The following UGT1A10 variants were observed in gnomAD, a reference collection of about 807,000 sequenced individuals.
UGT1A10 encodes the protein UDP-glucuronosyltransferase 1A10.
A neutral mutation model predicts 45.8 loss-of-function variants in UGT1A10; 49 were observed. The observed-to-expected ratio is 1.07, with a 90% confidence interval of 0.85 to 1.36. UGT1A10 has a LOEUF of 1.36. UGT1A10 is among the 40% of genes most tolerant of loss of function. UGT1A10 has a pLI of 0.00. For synonymous variants in UGT1A10, 284 were observed against 249.7 expected, an observed-to-expected ratio of 1.14 and a Z score of -1.29; for missense variants, 745 against 668.6, an observed-to-expected ratio of 1.11 and a Z score of -1.26.
At chr2:233,693,369 A>G (rs2075149103) in intron 1 of UGT1A10, 2 of 1,614,190 alleles carry the variant, frequency 1.2e-6, no homozygotes, top group Non-Finnish European at 1.7e-6. Context: ...ATTGGCCTGT[A>G]CTTCATCAAC....
At chr2:233,747,308 T>C in intron 1 of UGT1A10, 5 of 1,602,886 alleles carry the variant, frequency 3.1e-6, no homozygotes, top group Non-Finnish European at 4.3e-6. Context: ...GGGAAGGTGC[T>C]GGTGGTACCC....
chr2:233,717,663 C>T (rs953921301), intron 1 of UGT1A10: 3 of 412,194 alleles, frequency 7.3e-6, no homozygotes, highest in Non-Finnish European at 1.5e-5. Context: ...GAAGCATCAG[C>T]AATCTTGCGA....
chr2:233,740,013 C>A (rs28899769), intron 1 of UGT1A10, among the ~76,000 whole-genome samples: 1 of 151,838 alleles, frequency 6.6e-6, no homozygotes, highest in African/African-American at 2.4e-5. Context: ...AGTGAGTTCT[C>A]ATGAGAGCTG....
chr2:233,740,862 C>G (rs1413429391), intron 1 of UGT1A10: 1 of 151,810 alleles, frequency 6.6e-6, no homozygotes, highest in African/African-American at 2.4e-5. Flanking sequence ...TCTAAAAATT[C>G]TTTAAATAAA....
intron 1 of UGT1A10, among the ~76,000 whole-genome samples, chr2:233,644,619 C>A (rs945381015): frequency 6.6e-6 from 1 of 152,104 alleles, no homozygotes; most frequent in Non-Finnish European, 1.5e-5. Context: ...GGGTGGGTGT[C>A]AGCTGAGTTT....
At chr2:233,692,704 C>A in intron 1 of UGT1A10, 3 of 432,616 alleles carry the variant, frequency 6.9e-6, no homozygotes, top group Non-Finnish European at 9.2e-6. Context: ...CTCTCCAAGT[C>A]ATCTTCAAAG....
At chr2:233,693,101 C>A (rs1056441481) in intron 1 of UGT1A10, 1 of 1,614,084 alleles carries the variant, frequency 6.2e-7, no homozygotes, top group Non-Finnish European at 8.5e-7. Context: ...GCTGGTGGTC[C>A]CTCAGGACGG....
rs1559320904 is a variant in UGT1A10, at chr2:233,641,320, A to G, written c.855+3943A>G. Among the ~76,000 whole-genome samples, 4 of 152,304 alleles carry G rather than the reference A, an allele frequency of 2.6e-5. No homozygotes were observed. In the South Asian group the frequency reaches 8.3e-4, roughly 32 times the overall value. On this transcript the variant is annotated intron_variant, in intron 1 of 4. Transcript: ENST00000344644. ...AAGGCTTGCAAATACTATCTTATAA[A>G]CCTTATTTTAACCTGATAACAACTT...
At chr2:233,666,027 G>A (rs1292077043) in intron 1 of UGT1A10, among the ~76,000 whole-genome samples, 9 of 152,180 alleles carry the variant, frequency 5.9e-5, no homozygotes, top group Admixed American at 2.0e-4. Context: ...TTGGCTGGTG[G>A]TTCATTCAGG....
At chr2:233,729,533 C>T (rs746765589) in intron 1 of UGT1A10, 8 of 1,614,138 alleles carry the variant, frequency 5.0e-6, no homozygotes, top group South Asian at 3.3e-5. Context: ...CATAATGAGG[C>T]CCTGATCAGG....
rs45497792 is a variant in UGT1A10, at chr2:233,681,467, G to A, written c.855+44090G>A. 3.0e-3 allele frequency among the ~76,000 whole-genome samples: 440 copies of A among 144,686 alleles called. 4 individuals are homozygous for A. Among genetic ancestry groups the A allele is most frequent in the African/African-American group, 0.011 (418 of 38,962 alleles). 94.9% of individuals were successfully genotyped at this position (144,686 alleles called of 152,430 possible). On this transcript the variant is annotated intron_variant, in intron 1 of 4. Transcript: ENST00000344644. ...AATCGTTTGAACCCAGGAAGTGGAGGTTGCAGTGAGCCTAGATCTTACCAC... is the reference window on the plus strand; with the variant it reads ...AATCGTTTGAACCCAGGAAGTGGAGATTGCAGTGAGCCTAGATCTTACCAC...
intron 1 of UGT1A10, among the ~76,000 whole-genome samples, chr2:233,657,250 C>T (rs770263464): frequency 6.6e-5 from 10 of 152,120 alleles, no homozygotes; most frequent in Non-Finnish European, 1.0e-4. Flanking sequence ...AAGCACCTGG[C>T]GGTTTAGTTT....
intron 1 of UGT1A10, among the ~76,000 whole-genome samples, chr2:233,711,721 C>T (rs1314393643): frequency 6.6e-6 from 1 of 152,208 alleles, no homozygotes; most frequent in East Asian, 1.9e-4. Context: ...GCCTCAGCTT[C>T]ACCAGCAATG....
intron 1 of UGT1A10, chr2:233,691,347 G>A: frequency 1.0e-6 from 1 of 985,522 alleles, no homozygotes; most frequent in Non-Finnish European, 1.2e-6. Flanking sequence ...GTCTTCGCAT[G>A]CCTTGAACAA....
rs45512497 is a variant in UGT1A10, at chr2:233,640,015, C to T, written c.855+2638C>T. Among the ~76,000 whole-genome samples, 386 of 152,248 alleles carry T rather than the reference C, an allele frequency of 2.5e-3. 1 individual carries two copies. Among genetic ancestry groups the T allele is most frequent in the African/African-American group, 8.6e-3 (358 of 41,538 alleles). ...GAATTCAGGCTTCATCTATACCATC[C>T]ATGGTAGGTGCAGCTCTGCAGACCT... On this transcript the variant is annotated intron_variant, in intron 1 of 4. Coordinates refer to ENST00000344644, the MANE Select transcript of UGT1A10 (RefSeq NM_019075.4).
At chr2:233,651,166 C>G (rs2073730068) in intron 1 of UGT1A10, among the ~76,000 whole-genome samples, 1 of 152,192 alleles carries the variant, frequency 6.6e-6, no homozygotes, top group African/African-American at 2.4e-5. Flanking sequence ...AAGTGCTTCT[C>G]TCCCCTTTAC....
At chr2:233,720,769 G>A (rs1374980919) in intron 1 of UGT1A10, among the ~76,000 whole-genome samples, 1 of 151,034 alleles carries the variant, frequency 6.6e-6, no homozygotes, top group Non-Finnish European at 1.5e-5. Flanking sequence ...GCAGTGGCCG[G>A]ATCTCCGCTC....
chr2:233,738,354 G>A lies in UGT1A10; in HGVS notation c.856-28680G>A, dbSNP rs1033187922. Among the ~76,000 whole-genome samples the A allele has an allele frequency of 9.2e-5, 14 of 152,188 alleles. 1 individual carries two copies. Among genetic ancestry groups the A allele is most frequent in the Admixed American group, 7.2e-4 (11 of 15,278 alleles). The stretch of plus-strand genomic sequence containing the variant: ...ACAGTAAATTGGTGTCATGGAGAGT[G>A]GGGTACTGCTATAAAACTACTTGAA... On this transcript the variant is annotated intron_variant, in intron 1 of 4. Coordinates refer to ENST00000344644, the MANE Select transcript of UGT1A10 (RefSeq NM_019075.4).
intron 1 of UGT1A10, among the ~76,000 whole-genome samples, chr2:233,665,842 C>G: frequency 6.6e-6 from 1 of 152,044 alleles, no homozygotes; most frequent in East Asian, 1.9e-4. Context: ...GTATGGTTAC[C>G]TTTTTAAGAA....
Sources: gnomAD v4.1 joint callset for allele counts (sites outside exome capture counted in the v4.1 genomes callset) on GRCh38, gnomAD v4.1.1 for gene constraint, MANE v1.5 for transcripts, NCBI Gene and HGNC (gene_info 2026-07-23, HGNC 2026-07-21) for gene names.